COL4A3: variants seen among roughly 807,000 people sequenced by gnomAD.
The protein encoded by COL4A3 is collagen alpha-3(IV) chain.
In COL4A3, 135 loss-of-function variants were observed where a neutral mutation model predicts 217.4. The observed-to-expected ratio is 0.62, with a 90% CI of 0.54 to 0.72. The LOEUF is 0.72. Among genes scored for constraint, COL4A3 ranks in the 30% least tolerant of loss-of-function variants. The pLI, the probability that COL4A3 is intolerant of heterozygous loss-of-function variation, is 0.00. For synonymous variants in COL4A3, 690 were observed against 736.3 expected (o/e 0.94, Z 1.02); for missense variants, 1,868 against 2,119.9 (o/e 0.88, Z 2.33).
chr2:227,172,557 ATCT>A (rs1324419241), intron 1 of COL4A3, among the ~76,000 whole-genome samples: 6 of 119,672 alleles, frequency 5.0e-5, no homozygotes, highest in Non-Finnish European at 7.1e-5. Context: ...CTTCTTCATC[ATCT>A]TCTTCTTTCT....
chr2:227,290,176 CACTTGGTAGAAAGCTTATATTAAAAA>C (rs2072598778), intron 36 of COL4A3, 88 bp downstream of exon 36: 1 of 1,283,144 alleles, frequency 7.8e-7, no homozygotes, highest in African/African-American at 1.5e-5. Flanking sequence ...TTTGGTTTTC[CACTTGGTAGAAAGCTTATATTAAAAA>C]ACTAGATTTG....
At chr2:227,235,128 G>A (rs560108063) in intron 1 of COL4A3, among the ~76,000 whole-genome samples, 4 of 150,644 alleles carry the variant, frequency 2.7e-5, no homozygotes, top group South Asian at 2.1e-4. Flanking sequence ...TAGCATGCTC[G>A]GGGGTGGGAG....
chr2:227,256,811 T>C (rs774359147), intron 17 of COL4A3, among the ~76,000 whole-genome samples: 3 of 152,220 alleles, frequency 2.0e-5, no homozygotes, highest in Non-Finnish European at 4.4e-5. Flanking sequence ...TCTGACAATA[T>C]GTTACAAATA....
At chr2:227,229,775 G>A (rs773756843) in intron 1 of COL4A3, among the ~76,000 whole-genome samples, 1 of 152,122 alleles carries the variant, frequency 6.6e-6, no homozygotes, top group Non-Finnish European at 1.5e-5. Flanking sequence ...CCGGCCGGGC[G>A]CGGTGGCTCA....
intron 4 of COL4A3, among the ~76,000 whole-genome samples, 156 bp downstream of exon 4, chr2:227,244,520 G>A (rs574465541): frequency 3.7e-4 from 56 of 152,218 alleles, no homozygotes; most frequent in African/African-American, 1.3e-3. Context: ...TCAAAGGAGT[G>A]GTTACCACAT....
At chr2:227,165,007 T>C (rs1334971595) in intron 1 of COL4A3, among the ~76,000 whole-genome samples, 194 bp downstream of exon 1, 1 of 151,150 alleles carries the variant, frequency 6.6e-6, no homozygotes, top group Non-Finnish European at 1.5e-5. Context: ...CCGGAACAGG[T>C]GGAATGCGCG....
At chr2:227,293,711 G>A (rs1157471440) in intron 38 of COL4A3, 2 of 474,826 alleles carry the variant, frequency 4.2e-6, no homozygotes, top group South Asian at 3.1e-5. Flanking sequence ...GTGATTAGGT[G>A]GCTTAAACTA....
At chr2:227,189,897 T>C (rs2066166711) in intron 1 of COL4A3, among the ~76,000 whole-genome samples, 1 of 152,160 alleles carries the variant, frequency 6.6e-6, no homozygotes, top group Non-Finnish European at 1.5e-5. Context: ...CTTCTCTGTG[T>C]TATTCTGCTA....
chr2:227,293,713 C>G (rs1391459814), intron 38 of COL4A3: 2 of 474,602 alleles, frequency 4.2e-6, no homozygotes, highest in Non-Finnish European at 8.7e-6. Context: ...GATTAGGTGG[C>G]TTAAACTACA....
chr2:227,234,505 T>C (rs947026933), intron 1 of COL4A3, among the ~76,000 whole-genome samples: 1 of 152,234 alleles, frequency 6.6e-6, no homozygotes, highest in Non-Finnish European at 1.5e-5. Context: ...ATGCAATTCA[T>C]AAGCCTTCAA....
intron 26 of COL4A3, among the ~76,000 whole-genome samples, chr2:227,274,046 G>C (rs2071402271): frequency 6.6e-6 from 1 of 152,000 alleles, no homozygotes; most frequent in African/African-American, 2.4e-5. Context: ...AGACCAGCCG[G>C]GTCAACATAG....
At chr2:227,290,696 C>A in intron 36 of COL4A3, 51 bp from the exon 37 acceptor site, 1 of 1,591,034 alleles carries the variant, frequency 6.3e-7, no homozygotes, top group South Asian at 1.1e-5. Context: ...TAGAAAACTT[C>A]AAGATCCTCA....
At chr2:227,246,812 T>A in intron 7 of COL4A3, 74 bp downstream of exon 7, 1 of 1,237,186 alleles carries the variant, frequency 8.1e-7, no homozygotes, top group Non-Finnish European at 1.2e-6. Flanking sequence ...TATGGCCATA[T>A]ACACAAATCC....
chr2:227,224,926 G>A (rs1251635804), intron 1 of COL4A3, among the ~76,000 whole-genome samples: 1 of 151,926 alleles, frequency 6.6e-6, no homozygotes, highest in African/African-American at 2.4e-5. Context: ...TTTTGTTCTT[G>A]TTTTTGACAG....
intron 1 of COL4A3, among the ~76,000 whole-genome samples, chr2:227,189,345 C>T (rs1340970732): frequency 6.6e-6 from 1 of 152,082 alleles, no homozygotes; most frequent in Admixed American, 6.5e-5. Flanking sequence ...GGGTAGAACA[C>T]AGAGAAGCAG....
At chr2:227,293,518 TACAAA>T (rs777478581) in intron 38 of COL4A3, among the ~76,000 whole-genome samples, 4 of 152,198 alleles carry the variant, frequency 2.6e-5, no homozygotes, top group Non-Finnish European at 4.4e-5. Context: ...TGGACTGAAA[TACAAA>T]AATATGTTCC....
intron 5 of COL4A3, 158 bp from the exon 6 acceptor site, chr2:227,245,796 A>G (rs766253069): frequency 6.0e-5 from 42 of 701,182 alleles, no homozygotes; most frequent in Admixed American, 1.4e-4. Context: ...GTTTGTTGCT[A>G]CTGAAATTAT....
At chr2:227,252,823 C>T (rs1452124421) in intron 11 of COL4A3, among the ~76,000 whole-genome samples, 7 of 152,126 alleles carry the variant, frequency 4.6e-5, no homozygotes, top group South Asian at 2.1e-4. Flanking sequence ...AGAAACTATT[C>T]GCATTAGACT....
chr2:227,249,230 A>ATATATATATATATATAT, intron 9 of COL4A3, among the ~76,000 whole-genome samples: 1 of 14,692 alleles, frequency 6.8e-5, no homozygotes, highest in Non-Finnish European at 1.2e-4. Flanking sequence ...ATATATATAT[A>ATATATATATATATATAT]TTTTTTTTTT....
Sources: allele counts gnomAD v4.1 joint callset (sites outside exome capture counted in the v4.1 genomes callset), GRCh38; gene constraint gnomAD v4.1.1; transcripts MANE v1.5; gene names NCBI Gene and HGNC (gene_info 2026-07-23, HGNC 2026-07-21).